ORC5: variants seen among roughly 807,000 people sequenced by gnomAD.
ORC5 encodes protein phosphatase 1, regulatory subunit 117.
A neutral mutation model predicts 58.8 loss-of-function variants in ORC5; 39 were observed. The ratio of observed to expected loss-of-function variants is 0.66; its 90% CI spans 0.51 to 0.87. The LOEUF (loss-of-function observed/expected upper bound fraction) is 0.87. Among genes scored for constraint, ORC5 ranks in the 40% least tolerant of loss-of-function variants. The pLI is 0.00. For missense variants in ORC5, 493 were observed against 506.3 expected, an observed-to-expected ratio of 0.97 and a Z score of 0.25; for synonymous variants, 218 against 177.6, an observed-to-expected ratio of 1.23 and a Z score of -1.81.
intron 8 of ORC5, among the ~76,000 whole-genome samples, chr7:104,174,489 C>T (rs1345867419): frequency 6.6e-6 from 1 of 152,130 alleles, no homozygotes; most frequent in African/African-American, 2.4e-5. Flanking sequence ...TGTTCTTGGG[C>T]ATATTTTTTA....
chr7:104,133,967 G>A lies in ORC5; in HGVS notation c.1262+2814C>T, dbSNP rs1798550893. On this transcript the variant is annotated intron_variant, in intron 13 of 13. Transcript: ENST00000297431. This position sits in a 1 kb window ranked among gnomAD's most constrained non-coding sequence, Gnocchi z 4.7. Reference sequence around the variant, plus strand: ...TAGGTAGAAGAATCTACCTTAGGAAGAGGAACCCCATCCTGCTGAAAAAGG... The same window carrying A: ...TAGGTAGAAGAATCTACCTTAGGAAAAGGAACCCCATCCTGCTGAAAAAGG... 6.6e-6 allele frequency among the ~76,000 whole-genome samples: 1 copy of A among 152,138 alleles called. No homozygotes were observed. The highest frequency in any genetic ancestry group is 2.4e-5 in the African/African-American group (1 of 41,392).
At position 104,166,019 on chromosome 7, in the gene ORC5, G is replaced by A. The variant is rs571952072; in HGVS notation, c.991-737C>T. The stretch of plus-strand genomic sequence containing the variant: ...ACTGCACTCTGGCCTGGGTGAGAGT[G>A]ACACTCTGTCTCAAAAAAATAAAAA... On this transcript the variant is annotated intron_variant, in intron 10 of 13. Coordinates refer to ENST00000297431, the MANE Select transcript of ORC5 (RefSeq NM_002553.4). Among the ~76,000 whole-genome samples, 51 of 148,934 alleles carry A rather than the reference G, an allele frequency of 3.4e-4. No individual in the cohort carries two copies. In the South Asian group the frequency reaches 0.011, roughly 33 times the overall value.
At chr7:104,154,760 C>T (rs1018333098) in intron 12 of ORC5, among the ~76,000 whole-genome samples, 15 of 151,708 alleles carry the variant, frequency 9.9e-5, no homozygotes, top group Non-Finnish European at 1.9e-4. Context: ...TATTTATAAA[C>T]GTTTTAGAAT....
intron 12 of ORC5, among the ~76,000 whole-genome samples, chr7:104,139,151 G>A (rs918223808): frequency 2.6e-5 from 4 of 152,150 alleles, no homozygotes; most frequent in African/African-American, 9.7e-5. Context: ...TAAACTATCT[G>A]TAATACCTAA....
rs200954861 is a variant in ORC5, at chr7:104,177,041, C to T, written c.824+6902G>A. ...AAAGTAATCAGCAAAATACCCACAA[C>T]TTTAAGATTCTCACTTAGGTGAACA... On this transcript the variant is annotated intron_variant, in intron 8 of 13. Transcript: ENST00000297431. Among the ~76,000 whole-genome samples, 7 of 152,332 alleles carry T rather than the reference C, an allele frequency of 4.6e-5. No individual in the cohort carries two copies. In the East Asian group the frequency reaches 1.2e-3, roughly 25 times the overall value.
In ORC5 at chr7:104,171,193, T is replaced by C. The variant is rs747277146; in HGVS notation, c.825-2668A>G. The stretch of plus-strand genomic sequence containing the variant: ...ACCTAAACCAAGTAAAGGTGTGGTA[T>C]TGCAGTCTTCCTCTGCTTTGTTTTG... On this transcript the variant is annotated intron_variant, in intron 8 of 13. Transcript: ENST00000297431. 2.5e-4 allele frequency among the ~76,000 whole-genome samples: 38 copies of C among 152,356 alleles called. 1 individual carries two copies. The highest frequency in any genetic ancestry group is 3.4e-3 in the Middle Eastern group (1 of 294).
intron 12 of ORC5, among the ~76,000 whole-genome samples, chr7:104,143,824 A>G (rs897582248): frequency 2.6e-5 from 4 of 152,174 alleles, no homozygotes; most frequent in South Asian, 4.1e-4. Flanking sequence ...TCTATTACAT[A>G]AAGCAGTGAA....
intron 12 of ORC5, among the ~76,000 whole-genome samples, chr7:104,160,588 G>A (rs1799005273): frequency 6.6e-6 from 1 of 151,426 alleles, no homozygotes; most frequent in Non-Finnish European, 1.5e-5. Context: ...CTATTTTTAT[G>A]CTTTGCTGCC....
chr7:104,168,444 G>A (rs368593110), intron 9 of ORC5, 29 bp downstream of exon 9: 67 of 1,604,152 alleles, frequency 4.2e-5, no homozygotes, highest in Middle Eastern at 1.7e-4. Flanking sequence ...AAGTATCTCC[G>A]GTAACTGTCT....
intron 12 of ORC5, among the ~76,000 whole-genome samples, chr7:104,153,961 TTTAAG>T (rs1283693193): frequency 1.3e-5 from 2 of 152,120 alleles, no homozygotes; most frequent in African/African-American, 4.8e-5. Flanking sequence ...CAAATTAACT[TTTAAG>T]GTAAAGAAAT....
intron 13 of ORC5, among the ~76,000 whole-genome samples, chr7:104,135,771 AT>A (rs1296817703): frequency 1.3e-5 from 2 of 152,194 alleles, no homozygotes; most frequent in Non-Finnish European, 2.9e-5. Context: ...GAACAAAATA[AT>A]GTCTCATGCC....
chr7:104,202,584 A>T (rs1251934665), intron 2 of ORC5: 1 of 447,200 alleles, frequency 2.2e-6, no homozygotes, highest in Non-Finnish European at 4.5e-6. Context: ...TATTACACTG[A>T]TTAAGTAACA....
At chr7:104,175,335 C>T (rs532764486) in intron 8 of ORC5, among the ~76,000 whole-genome samples, 1 of 152,120 alleles carries the variant, frequency 6.6e-6, no homozygotes, top group East Asian at 1.9e-4. Context: ...CTCTACCTCT[C>T]TATTTTTTTC....
chr7:104,198,772 A>C (rs1040638555), intron 3 of ORC5, among the ~76,000 whole-genome samples: 1 of 152,242 alleles, frequency 6.6e-6, no homozygotes, highest in Admixed American at 6.5e-5. Context: ...CAGCCAAGAC[A>C]ACGGGGAAAA....
chr7:104,162,582 T>C (rs1161561660), intron 11 of ORC5, among the ~76,000 whole-genome samples: 1 of 152,362 alleles, frequency 6.6e-6, no homozygotes, highest in Non-Finnish European at 1.5e-5. Context: ...CTCAGAATTA[T>C]ACAATGAAGT....
chr7:104,128,343 G>A (rs1376532350), intron 13 of ORC5, among the ~76,000 whole-genome samples: 2 of 152,070 alleles, frequency 1.3e-5, no homozygotes, highest in East Asian at 1.9e-4. Flanking sequence ...GGCTGGTCTC[G>A]AACTCCTGAC....
At chr7:104,141,215 G>A (rs1223275458) in intron 12 of ORC5, among the ~76,000 whole-genome samples, 1 of 152,172 alleles carries the variant, frequency 6.6e-6, no homozygotes, top group South Asian at 2.1e-4. Flanking sequence ...AAACCCAGCA[G>A]TATGCCTCTA....
At chr7:104,160,931 T>G (rs892025888) in intron 12 of ORC5, 141 bp downstream of exon 12, 20 of 582,274 alleles carry the variant, frequency 3.4e-5, no homozygotes, top group African/African-American at 3.3e-4. Context: ...AATTTTCAAT[T>G]ACTTACCAAA....
chr7:104,180,779 T>G (rs988620645), intron 8 of ORC5, among the ~76,000 whole-genome samples: 6 of 152,206 alleles, frequency 3.9e-5, no homozygotes, highest in Non-Finnish European at 7.4e-5. Context: ...AGTGTAAAAT[T>G]ACATAAAACT....
Sources: allele counts gnomAD v4.1 joint callset (sites outside exome capture counted in the v4.1 genomes callset), GRCh38; gene constraint gnomAD v4.1.1; non-coding constraint Gnocchi (gnomAD v3.1); transcripts MANE v1.5; gene names NCBI Gene and HGNC (gene_info 2026-07-23, HGNC 2026-07-21).